The following CDK13 variants were observed in gnomAD, a reference collection of about 807,000 sequenced individuals.
The protein encoded by CDK13 is cyclin dependent kinase 13.
In CDK13, 40 loss-of-function variants were observed where a neutral mutation model predicts 137.6. The ratio of observed to expected loss-of-function variants is 0.29; its 90% CI spans 0.23 to 0.38. The LOEUF is 0.38. CDK13 is among the 10% of genes least tolerant of loss of function. The probability of loss-of-function intolerance (pLI) is 1.00; values close to 1 mark genes in which losing one functional copy is unlikely to be tolerated. For missense variants in CDK13, 1,704 were observed against 1,951.8 expected (o/e 0.87, Z 2.39); for synonymous variants, 869 against 760.1 (o/e 1.14, Z -2.36).
At chr7:39,961,872 T>G (rs988919578) in intron 1 of CDK13, among the ~76,000 whole-genome samples, 10 of 151,812 alleles carry the variant, frequency 6.6e-5, no homozygotes, top group African/African-American at 2.4e-4. Flanking sequence ...CACCTATGAG[T>G]GAGAACATGC....
At position 40,096,524 on chromosome 7, in the gene CDK13, AAGTT is replaced by A. The variant is rs1343082618; in HGVS notation, c.*1547_*1550del. 6.6e-6 allele frequency: 1 copy of A among 152,184 alleles called. No individual in the cohort carries two copies. The highest frequency in any genetic ancestry group is 1.5e-5 in the Non-Finnish European group (1 of 68,014). The allele number at this position is 152,184 out of a possible 1,614,324, so 9.4% of individuals were successfully genotyped here. A position where few individuals can be genotyped will look rare whatever the true frequency, so the allele number is the denominator to read the frequency against. ...ATCACTAAATGGAAAAATTGACTGGAAGTTAGAGTTGTGCCAATTAATCATTTTG... is the reference window on the plus strand; with the variant it reads ...ATCACTAAATGGAAAAATTGACTGGAAGAGTTGTGCCAATTAATCATTTTG... On this transcript the variant is annotated 3_prime_UTR_variant, in exon 14 of 14. Transcript: ENST00000181839.
chr7:40,030,993 T>C (rs1017827604), intron 5 of CDK13, among the ~76,000 whole-genome samples: 6 of 152,212 alleles, frequency 3.9e-5, no homozygotes, highest in African/African-American at 1.4e-4. Context: ...TTGTGTTAAT[T>C]TCAGCTCCTT....
chr7:40,028,021 T>A (rs989643362), intron 5 of CDK13, among the ~76,000 whole-genome samples: 5 of 151,224 alleles, frequency 3.3e-5, no homozygotes, highest in Non-Finnish European at 5.9e-5. Flanking sequence ...TTTTTTTTTT[T>A]AAATTAGTGT....
rs144732307 is a variant in CDK13 at position 40,003,206 on chromosome 7, A to ACTCTCTCTCT, written c.2353+1186_2353+1195dup. ...CACACACACACACACACACACACACACTCTCTCTCTCTCTCTCTCTTACTC... is the reference window on the plus strand; with the variant it reads ...CACACACACACACACACACACACACACTCTCTCTCTCTCTCTCTCTCTCTCTCTCTTACTC... On this transcript the variant is annotated intron_variant, in intron 5 of 13. Transcript: ENST00000181839. Among the ~76,000 whole-genome samples, 198 of 79,852 alleles carry ACTCTCTCTCT rather than the reference A, an allele frequency of 2.5e-3. 7 individuals carry two copies. Among genetic ancestry groups the ACTCTCTCTCT allele is most frequent in the African/African-American group, 4.2e-3 (89 of 21,054 alleles). The allele number at this position is 79,852 out of a possible 152,430, so 52.4% of individuals were successfully genotyped here. A position where few individuals can be genotyped will look rare whatever the true frequency, so the allele number is the denominator to read the frequency against.
chr7:40,015,854 A>G (rs1784992715), intron 5 of CDK13, among the ~76,000 whole-genome samples: 1 of 152,200 alleles, frequency 6.6e-6, no homozygotes, highest in Admixed American at 6.5e-5. Context: ...ACCAGAAAGA[A>G]AAAAACGAGT....
rs184731843 is a variant in CDK13 at position 40,080,317 on chromosome 7, A to C, written c.3029+1466A>C. Among the ~76,000 whole-genome samples, 629 of 152,274 alleles carry C rather than the reference A, an allele frequency of 4.1e-3. 4 individuals carry two copies. Among genetic ancestry groups the C allele is most frequent in the African/African-American group, 0.015 (607 of 41,570 alleles). ...CTTAATAATTTTTAAAATGATAAGGAGCATCATTAAAAGCAAGCCTATTAT... is the reference window on the plus strand; with the variant it reads ...CTTAATAATTTTTAAAATGATAAGGCGCATCATTAAAAGCAAGCCTATTAT... On this transcript the variant is annotated intron_variant, in intron 11 of 13. Transcript: ENST00000181839.
At chr7:40,043,118 G>T (rs943081208) in intron 5 of CDK13, among the ~76,000 whole-genome samples, 4 of 152,130 alleles carry the variant, frequency 2.6e-5, no homozygotes, top group African/African-American at 9.7e-5. Context: ...GTTTCCTTAG[G>T]CAGTACTTCT....
intron 5 of CDK13, among the ~76,000 whole-genome samples, chr7:40,043,132 T>C (rs1391501443): frequency 6.6e-6 from 1 of 152,234 alleles, no homozygotes; most frequent in East Asian, 1.9e-4. Context: ...TACTTCTACA[T>C]TTTCATTTAA....
intron 1 of CDK13, among the ~76,000 whole-genome samples, chr7:39,973,948 C>T (rs190081498): frequency 1.3e-3 from 196 of 152,178 alleles, no homozygotes; most frequent in Middle Eastern, 6.8e-3. Context: ...TTTATGTATC[C>T]GTCCGTATGC....
chr7:40,014,828 T>C (rs770706265), intron 5 of CDK13, among the ~76,000 whole-genome samples: 4 of 152,200 alleles, frequency 2.6e-5, no homozygotes, highest in Non-Finnish European at 5.9e-5. Context: ...TATTAGTGTT[T>C]TTCTTAATTG....
intron 2 of CDK13, among the ~76,000 whole-genome samples, chr7:39,993,256 C>T (rs998849801): frequency 3.9e-5 from 6 of 152,080 alleles, no homozygotes; most frequent in African/African-American, 9.7e-5. Context: ...TTTGTAAATA[C>T]GTGTTTCCCC....
At position 40,078,111 on chromosome 7, in the gene CDK13, G is replaced by T. The variant is rs1318077684; in HGVS notation, c.2887G>T (p.Glu963Ter). The T allele has an allele frequency of 6.4e-7, 1 of 1,560,638 alleles. No individual in the cohort carries two copies. ...GCAATATCGTCGAAAGTTAAGAGAAGAATTTGTTTTGTAAGAAGGGGATGT... is the reference window on the plus strand; with the variant it reads ...GCAATATCGTCGAAAGTTAAGAGAATAATTTGTTTTGTAAGAAGGGGATGT... ...KKQYRRKLRE[E>*]FVFIPAAALD... Residue 963 changes from glutamate to a stop codon, truncating the protein, a stop_gained, in exon 10 of 14, where the codon GAA becomes TAA. Transcript: ENST00000181839. LOFTEE classifies it high-confidence loss of function.
intron 1 of CDK13, among the ~76,000 whole-genome samples, chr7:39,969,835 C>T (rs1783957911): frequency 1.3e-5 from 2 of 152,146 alleles, no homozygotes; most frequent in Admixed American, 1.3e-4. Context: ...AATGTTCATT[C>T]TTCATGAATT....
At chr7:39,955,294 A>G (rs1787374375) in intron 1 of CDK13, among the ~76,000 whole-genome samples, 1 of 152,218 alleles carries the variant, frequency 6.6e-6, no homozygotes, top group Admixed American at 6.5e-5. Flanking sequence ...TGGATTGGGA[A>G]ACGGGAGCTC....
At chr7:40,056,104 G>GA (rs1294842690) in intron 7 of CDK13, among the ~76,000 whole-genome samples, 1 of 152,148 alleles carries the variant, frequency 6.6e-6, no homozygotes, top group Non-Finnish European at 1.5e-5. Flanking sequence ...GGTGATACCT[G>GA]AAATTGTCCT....
chr7:39,977,469 A>G (rs1173833903), intron 1 of CDK13, among the ~76,000 whole-genome samples: 1 of 152,206 alleles, frequency 6.6e-6, no homozygotes, highest in Non-Finnish European at 1.5e-5. Context: ...TGAGATATAA[A>G]CAGAATTGTG....
intron 2 of CDK13, 81 bp downstream of exon 2, chr7:39,988,339 A>G: frequency 1.9e-6 from 2 of 1,033,272 alleles, no homozygotes; most frequent in Non-Finnish European, 2.8e-6. Flanking sequence ...ACCTCCCCTA[A>G]CCCCCTCGAA....
At chr7:40,093,531 T>A (rs1211822787) in intron 13 of CDK13, among the ~76,000 whole-genome samples, 2 of 152,200 alleles carry the variant, frequency 1.3e-5, no homozygotes, top group Non-Finnish European at 2.9e-5. Context: ...GACTAAGGCA[T>A]AATTTATGTA....
intron 1 of CDK13, among the ~76,000 whole-genome samples, chr7:39,959,501 CT>C (rs1396901998): frequency 0.022 from 2,815 of 130,898 alleles, 81 homozygotes; most frequent in African/African-American, 0.12. Flanking sequence ...CCGGGTCTCA[CT>C]CTGTCACCCA....
Sources: allele counts gnomAD v4.1 joint callset (sites outside exome capture counted in the v4.1 genomes callset), GRCh38; gene constraint gnomAD v4.1.1; transcripts MANE v1.5; gene names NCBI Gene and HGNC (gene_info 2026-07-23, HGNC 2026-07-21).